Variants in TBCK observed in about 807,000 individuals in gnomAD.
TBCK encodes TBC domain-containing protein kinase-like protein.
A neutral mutation model predicts 113.4 loss-of-function variants in TBCK; 99 were observed. The observed-to-expected ratio is 0.87, with a 90% CI of 0.74 to 1.03. The LOEUF is 1.03. TBCK is among the 50% of genes least tolerant of loss of function. The pLI is 0.00. For synonymous variants in TBCK, 369 were observed against 370.8 expected, an observed-to-expected ratio of 1.00 and a Z score of 0.05; for missense variants, 1,045 against 1,061.3, an observed-to-expected ratio of 0.98 and a Z score of 0.21.
chr4:106,253,666 GGT>G (rs1560915054), intron 5 of TBCK, among the ~76,000 whole-genome samples: 2 of 152,088 alleles, frequency 1.3e-5, no homozygotes, highest in African/African-American at 2.4e-5. Flanking sequence ...AATCTATTGT[GGT>G]TTTACTTTGC....
intron 23 of TBCK, among the ~76,000 whole-genome samples, chr4:106,147,634 C>A (rs567282190): frequency 6.6e-6 from 1 of 152,208 alleles, no homozygotes; most frequent in South Asian, 2.1e-4. Flanking sequence ...ATTTCCTATG[C>A]CTGTCTTTAC....
At chr4:106,084,365 A>G (rs566260236) in intron 25 of TBCK, among the ~76,000 whole-genome samples, 1 of 152,358 alleles carries the variant, frequency 6.6e-6, no homozygotes, top group Admixed American at 6.5e-5. Context: ...TACTGAAATA[A>G]GACACAGAGA....
intron 23 of TBCK, among the ~76,000 whole-genome samples, chr4:106,136,298 C>T (rs1278696118): frequency 2.1e-5 from 3 of 140,812 alleles, no homozygotes; most frequent in Non-Finnish European, 4.8e-5. Flanking sequence ...AAGCTACTAC[C>T]TCTCTACCTC....
chr4:106,203,261 C>T (rs1202013726), intron 20 of TBCK, among the ~76,000 whole-genome samples: 3 of 113,236 alleles, frequency 2.6e-5, no homozygotes, highest in African/African-American at 6.8e-5. Flanking sequence ...GTTCAAAGGA[C>T]ATATACACAT....
At chr4:106,221,211 C>G (rs1162077408) in intron 19 of TBCK, among the ~76,000 whole-genome samples, 1 of 152,164 alleles carries the variant, frequency 6.6e-6, no homozygotes, top group Non-Finnish European at 1.5e-5. Context: ...TCTCGAACTC[C>G]TGACCTCAGG....
intron 25 of TBCK, among the ~76,000 whole-genome samples, chr4:106,066,254 T>G (rs1432293212): frequency 6.6e-6 from 1 of 151,952 alleles, no homozygotes; most frequent in Admixed American, 6.6e-5. Context: ...CAGTACTAAT[T>G]TGTATGTCAA....
chr4:106,211,843 T>G (rs1756173800), intron 20 of TBCK, among the ~76,000 whole-genome samples: 1 of 152,080 alleles, frequency 6.6e-6, no homozygotes, highest in South Asian at 2.1e-4. Context: ...AAATTCTATT[T>G]TATGAAAATG....
At chr4:106,291,856 G>C (rs1360752114) in intron 3 of TBCK, among the ~76,000 whole-genome samples, 1 of 152,156 alleles carries the variant, frequency 6.6e-6, no homozygotes, top group African/African-American at 2.4e-5. Flanking sequence ...AGAGGATATT[G>C]AGGCACAATT....
In TBCK at chr4:106,043,368, A is replaced by C. The variant is rs1186626459; in HGVS notation, c.*3202T>G. The C allele has an allele frequency of 1.3e-5, 2 of 152,150 alleles. No homozygotes were observed. The highest frequency in any genetic ancestry group is 1.3e-4 in the Admixed American group (2 of 15,276). The allele number at this position is 152,150 out of a possible 1,614,324, so 9.4% of individuals were successfully genotyped here. A position where few individuals can be genotyped will look rare whatever the true frequency, so the allele number is the denominator to read the frequency against. On this transcript the variant is annotated 3_prime_UTR_variant, in exon 26 of 26. Coordinates refer to ENST00000394708, the MANE Select transcript of TBCK (RefSeq NM_001163435.3). The stretch of plus-strand genomic sequence containing the variant: ...TCAATTTATTTCTATACTATCAGGT[A>C]CCAGATAAGTTTGGCAGTTGAAAAA...
Position 106,244,771 on chromosome 4 carries a change from A to C in TBCK, c.932-7T>G. The C allele has an allele frequency of 6.5e-7, 1 of 1,528,898 alleles. No individual in the cohort carries two copies. Among genetic ancestry groups the C allele is most frequent in the Non-Finnish European group, 8.9e-7 (1 of 1,118,966 alleles). 94.7% of individuals were successfully genotyped at this position (1,528,898 alleles called of 1,614,324 possible). On this transcript the variant is annotated splice_region_variant and splice_polypyrimidine_tract_variant and intron_variant, in intron 10 of 25. Transcript: ENST00000394708. ...AGGTAATCATTATTTATATCTATTA[A>C]AAGCAAATTTAAGGAATCATTGTAT...
In TBCK at chr4:106,316,070, G is replaced by C. The variant is rs1351502409; in HGVS notation, c.-169C>G. On this transcript the variant is annotated 5_prime_UTR_variant, in exon 1 of 26. Transcript: ENST00000394708. ...CTGCATTTCAGGTGCTCCTACAAAA[G>C]AGGCCACTCCTGGAACGCCGGGAGC... 5 of 153,956 alleles carry C rather than the reference G, an allele frequency of 3.2e-5. No individual in the cohort carries two copies. In the South Asian group the frequency reaches 7.8e-4, roughly 24 times the overall value. 9.5% of individuals were successfully genotyped at this position (153,956 alleles called of 1,614,324 possible).
At chr4:106,095,457 A>G in intron 25 of TBCK, 25 bp downstream of exon 25, 5 of 1,607,506 alleles carry the variant, frequency 3.1e-6, no homozygotes, top group Non-Finnish European at 4.3e-6. Flanking sequence ...TCATATGTAC[A>G]TATGACATTT....
In TBCK at chr4:106,236,476, C is replaced by T. The variant is rs1759475732; in HGVS notation, c.1264G>A (p.Ala422Thr). Residue 422 changes from alanine (A) to threonine (T), a missense_variant, in exon 14 of 26, where the codon GCA becomes ACA. Transcript: ENST00000394708. Reference sequence around the variant, plus strand: ...ATGATTAAAGGGAGCGTGGCAGCTGCAGACAACTCATTATTGCTGTTTGAA... The same window carrying T: ...ATGATTAAAGGGAGCGTGGCAGCTGTAGACAACTCATTATTGCTGTTTGAA... ...PHSNSNNELS[A>T]AATLPLIIRE... The T allele has an allele frequency of 1.3e-6, 2 of 1,577,802 alleles. No individual in the cohort carries two copies. Among genetic ancestry groups the T allele is most frequent in the Non-Finnish European group, 1.7e-6 (2 of 1,161,154 alleles).
chr4:106,158,901 A>G (rs1204519387), intron 23 of TBCK, among the ~76,000 whole-genome samples: 2 of 152,118 alleles, frequency 1.3e-5, no homozygotes, highest in African/African-American at 4.8e-5. Flanking sequence ...CTTCAACAAA[A>G]TAGTAGCAAA....
chr4:106,158,105 G>T (rs1749334665), intron 23 of TBCK, among the ~76,000 whole-genome samples: 1 of 152,082 alleles, frequency 6.6e-6, no homozygotes, highest in Non-Finnish European at 1.5e-5. Context: ...ATTACATTGG[G>T]ACTTTTAGAC....
At chr4:106,152,611 G>A (rs1748627836) in intron 23 of TBCK, among the ~76,000 whole-genome samples, 1 of 151,874 alleles carries the variant, frequency 6.6e-6, no homozygotes, top group Admixed American at 6.6e-5. Flanking sequence ...AATAAGTTTG[G>A]AAATCTTCCC....
rs180762205 is a variant in TBCK at position 106,141,202 on chromosome 4, G to T, written c.2236-24824C>A. On this transcript the variant is annotated intron_variant, in intron 23 of 25. Transcript: ENST00000394708. ...AGGTGAAGCAATTAAATAATAGAAAGATATAAGATGTATAAAATTGAAAAA... is the reference window on the plus strand; with the variant it reads ...AGGTGAAGCAATTAAATAATAGAAATATATAAGATGTATAAAATTGAAAAA... Among the ~76,000 whole-genome samples, 3 of 139,360 alleles carry T rather than the reference G, an allele frequency of 2.2e-5. 1 individual carries two copies. Among genetic ancestry groups the T allele is most frequent in the African/African-American group, 7.5e-5 (3 of 39,908 alleles). The allele number at this position is 139,360 out of a possible 152,430, so 91.4% of individuals were successfully genotyped here.
chr4:106,116,158 C>A, intron 24 of TBCK, 45 bp downstream of exon 24: 1 of 1,549,130 alleles, frequency 6.5e-7, no homozygotes, highest in South Asian at 1.2e-5. Context: ...GGATGCAATA[C>A]AAATAAGCAG....
In TBCK at chr4:106,233,663, AAAG is replaced by A. The variant is rs1759129182; in HGVS notation, c.1450-16_1450-14del. 6.3e-7 allele frequency: 1 copy of A among 1,586,948 alleles called. No homozygotes were observed. The highest frequency in any genetic ancestry group is 1.7e-5 in the Admixed American group (1 of 59,454). On this transcript the variant is annotated splice_polypyrimidine_tract_variant and intron_variant, in intron 15 of 25. Transcript: ENST00000394708. ...CATGAATAGCTCCCTGCAAAAAATA[AAAG>A]AAGATATATTAATTTATCATATCCT...
Sources: gnomAD v4.1 joint callset for allele counts (sites outside exome capture counted in the v4.1 genomes callset) on GRCh38, gnomAD v4.1.1 for gene constraint, MANE v1.5 for transcripts, NCBI Gene and HGNC (gene_info 2026-07-23, HGNC 2026-07-21) for gene names.